The following TTLL4 variants were observed in gnomAD, a reference collection of about 807,000 sequenced individuals.
The protein encoded by TTLL4 is tubulin monoglutamylase TTLL4.
TTLL4 carries 85 observed loss-of-function variants against 122.7 expected under a neutral mutation model. The observed-to-expected ratio is 0.69, with a 90% CI of 0.58 to 0.83. The LOEUF (loss-of-function observed/expected upper bound fraction) is 0.83. TTLL4 is among the 40% of genes least tolerant of loss of function. The pLI is 0.00. For synonymous variants in TTLL4, 553 were observed against 563.0 expected (o/e 0.98, Z 0.25); for missense variants, 1,363 against 1,488.6 (o/e 0.92, Z 1.39).
intron 2 of TTLL4, among the ~76,000 whole-genome samples, chr2:218,728,458 C>T (rs918720083): frequency 1.7e-4 from 26 of 152,122 alleles, no homozygotes; most frequent in Non-Finnish European, 5.9e-5. Context: ...TGCCGCTGAG[C>T]CTATAGGAGG....
intron 2 of TTLL4, among the ~76,000 whole-genome samples, chr2:218,731,736 A>G (rs1301221367): frequency 1.3e-5 from 2 of 152,206 alleles, no homozygotes; most frequent in Admixed American, 6.5e-5. Flanking sequence ...TTCCCTGAAC[A>G]TTCCAGCTGT....
intron 5 of TTLL4, among the ~76,000 whole-genome samples, chr2:218,743,060 C>G (rs1388945852): frequency 1.3e-5 from 2 of 152,066 alleles, no homozygotes; most frequent in African/African-American, 2.4e-5. Flanking sequence ...AGGAGAATCA[C>G]ATGAACCTGG....
chr2:218,751,680 C>A, intron 15 of TTLL4, 24 bp from the exon 16 acceptor site: 14 of 1,608,828 alleles, frequency 8.7e-6, no homozygotes, highest in Non-Finnish European at 1.2e-5. Flanking sequence ...CTGCCCTTTG[C>A]TTTCTTTCTG....
chr2:218,711,296 G>C (rs759970258), intron 1 of TTLL4, among the ~76,000 whole-genome samples: 1 of 152,228 alleles, frequency 6.6e-6, no homozygotes, highest in Non-Finnish European at 1.5e-5. Flanking sequence ...CCTCGCCTCC[G>C]GGTGCCCGAA....
intron 8 of TTLL4, chr2:218,746,710 C>A: frequency 2.3e-6 from 1 of 437,624 alleles, no homozygotes; most frequent in South Asian, 3.2e-5. Context: ...AGGCGAAATG[C>A]TTTTCTGTCC....
chr2:218,723,530 C>T (rs1942103416), intron 1 of TTLL4, among the ~76,000 whole-genome samples: 2 of 152,100 alleles, frequency 1.3e-5, no homozygotes, highest in Non-Finnish European at 2.9e-5. Flanking sequence ...ATTCACTGGC[C>T]ATTGAGAGAG....
chr2:218,750,472 A>G lies in TTLL4; in HGVS notation c.2873+326A>G, dbSNP rs1364685306. Among the ~76,000 whole-genome samples the G allele has an allele frequency of 2.6e-5, 4 of 152,132 alleles. No homozygotes were observed. The East Asian group carries it at 7.7e-4, about 29-fold the overall frequency. On this transcript the variant is annotated intron_variant, in intron 15 of 19. Transcript: ENST00000392102. ...TAGAAGTTCACAGCTCTAGTGCACT[A>G]TGATGATCATGCCTGTGAATAGCCA...
chr2:218,741,735 T>C (rs1211780892), intron 5 of TTLL4, among the ~76,000 whole-genome samples: 4 of 152,188 alleles, frequency 2.6e-5, no homozygotes, highest in Non-Finnish European at 4.4e-5. Context: ...CCACTCTTCA[T>C]AGGAGAAAGA....
intron 1 of TTLL4, among the ~76,000 whole-genome samples, chr2:218,715,263 G>C (rs777155379): frequency 1.3e-5 from 2 of 152,186 alleles, no homozygotes; most frequent in Non-Finnish European, 2.9e-5. Context: ...GGCTGGAAAA[G>C]GATGAAGTAT....
chr2:218,715,065 A>G (rs1461133312), intron 1 of TTLL4, among the ~76,000 whole-genome samples: 1 of 152,264 alleles, frequency 6.6e-6, no homozygotes, highest in Non-Finnish European at 1.5e-5. Context: ...TATGGTTAGC[A>G]TAAGTTCACT....
chr2:218,749,218 A>G (rs1559373676), intron 13 of TTLL4, 35 bp from the exon 14 acceptor site: 2 of 1,612,362 alleles, frequency 1.2e-6, no homozygotes, highest in Non-Finnish European at 1.7e-6. Flanking sequence ...CTCTGGGAGG[A>G]GCTGAACTGA....
At chr2:218,728,593 G>C (rs959669091) in intron 2 of TTLL4, among the ~76,000 whole-genome samples, 3 of 152,198 alleles carry the variant, frequency 2.0e-5, no homozygotes, top group South Asian at 2.1e-4. Context: ...CAAGAGTTGG[G>C]GACCCTGCTT....
chr2:218,749,941 G>C, intron 14 of TTLL4, 68 bp from the exon 15 acceptor site: 1 of 1,578,466 alleles, frequency 6.3e-7, no homozygotes, highest in South Asian at 1.2e-5. Context: ...CTAGCCCTGA[G>C]TTGCACATAT....
chr2:218,733,228 C>T (rs555456023), intron 2 of TTLL4, among the ~76,000 whole-genome samples: 14 of 152,192 alleles, frequency 9.2e-5, no homozygotes, highest in Admixed American at 5.9e-4. Context: ...AGTTCGTTCT[C>T]GTACTGCTAT....
At chr2:218,726,619 C>A (rs757351566) in intron 1 of TTLL4, among the ~76,000 whole-genome samples, 3 of 151,726 alleles carry the variant, frequency 2.0e-5, no homozygotes, top group Non-Finnish European at 4.4e-5. Flanking sequence ...GCGTGTGCCA[C>A]CACATCCAGC....
At chr2:218,730,360 T>C (rs1482729506) in intron 2 of TTLL4, among the ~76,000 whole-genome samples, 3 of 111,718 alleles carry the variant, frequency 2.7e-5, no homozygotes, top group South Asian at 6.2e-4. Context: ...GAAAAAAAAT[T>C]AGCTGGGTGT....
Position 218,740,682 on chromosome 2 carries a change from C to A in TTLL4, c.1661+98C>A, listed in dbSNP as rs544415160. ...CTCAAGTCATTAATGGCCTGGAGAA[C>A]TCTAATGCATTTTTACCAAATTTTT... On this transcript the variant is annotated intron_variant, in intron 5 of 19. Transcript: ENST00000392102. The A allele has an allele frequency of 4.9e-6, 7 of 1,414,648 alleles. No individual in the cohort carries two copies. In the East Asian group the frequency reaches 1.6e-4, roughly 32 times the overall value. 87.6% of individuals were successfully genotyped at this position (1,414,648 alleles called of 1,614,324 possible).
intron 1 of TTLL4, among the ~76,000 whole-genome samples, chr2:218,720,871 A>G (rs1942015582): frequency 6.6e-6 from 1 of 152,096 alleles, no homozygotes; most frequent in East Asian, 1.9e-4. Flanking sequence ...GAGGGTTGGA[A>G]CTTTCAGTTC....
At chr2:218,740,370 G>A in intron 4 of TTLL4, 151 bp from the exon 5 acceptor site, 2 of 933,346 alleles carry the variant, frequency 2.1e-6, no homozygotes, top group Non-Finnish European at 1.7e-6. Flanking sequence ...CGCTGCTTCT[G>A]TTGAGGAAGG....
Sources: gnomAD v4.1 joint callset for allele counts (sites outside exome capture counted in the v4.1 genomes callset) on GRCh38, gnomAD v4.1.1 for gene constraint, MANE v1.5 for transcripts, NCBI Gene and HGNC (gene_info 2026-07-23, HGNC 2026-07-21) for gene names.